The following CDC123 variants were observed in gnomAD, a reference collection of about 807,000 sequenced individuals.
CDC123 encodes the protein translation initiation factor eIF2 assembly protein.
Under a neutral mutation model 54.4 loss-of-function variants are expected in CDC123, and 37 were observed. The ratio of observed to expected loss-of-function variants is 0.68; its 90% confidence interval spans 0.52 to 0.89. The LOEUF (loss-of-function observed/expected upper bound fraction) is 0.89, where lower values mean the gene tolerates loss of function less well. Among genes scored for constraint, CDC123 ranks in the 40% least tolerant of loss-of-function variants. CDC123 has a pLI of 0.00. For synonymous variants in CDC123, 144 were observed against 136.8 expected, an observed-to-expected ratio of 1.05 and a Z score of -0.37; for missense variants, 361 against 412.1, an observed-to-expected ratio of 0.88 and a Z score of 1.07.
chr10:12,232,457 T>A (rs1835913943), intron 7 of CDC123, among the ~76,000 whole-genome samples: 1 of 152,190 alleles, frequency 6.6e-6, no homozygotes, highest in Non-Finnish European at 1.5e-5. Flanking sequence ...CATTGAGTAA[T>A]TTTTAATGTG....
At chr10:12,218,274 T>G (rs112975980) in intron 6 of CDC123, among the ~76,000 whole-genome samples, 6,263 of 134,326 alleles carry the variant, frequency 0.047, 481 homozygotes, top group African/African-American at 0.16. Flanking sequence ...TGAGGCAGGG[T>G]CTCACTCTGT....
intron 6 of CDC123, among the ~76,000 whole-genome samples, chr10:12,228,664 A>G (rs1450693341): frequency 4.6e-5 from 7 of 152,194 alleles, no homozygotes; most frequent in African/African-American, 1.4e-4. Flanking sequence ...TCTGCCTCCC[A>G]GGTTCAAGCG....
chr10:12,214,027 A>G (rs1388706487), intron 4 of CDC123, among the ~76,000 whole-genome samples: 1 of 152,236 alleles, frequency 6.6e-6, no homozygotes, highest in Non-Finnish European at 1.5e-5. Flanking sequence ...TAAACAGTAC[A>G]TAGTCTTCCA....
chr10:12,227,696 T>G (rs951451486), intron 6 of CDC123, among the ~76,000 whole-genome samples: 2 of 151,988 alleles, frequency 1.3e-5, no homozygotes, highest in Non-Finnish European at 2.9e-5. Context: ...TGGGGTTTCA[T>G]CATGTCGGCC....
chr10:12,205,155 A>G (rs1835501668), intron 2 of CDC123, among the ~76,000 whole-genome samples: 1 of 152,144 alleles, frequency 6.6e-6, no homozygotes, highest in Admixed American at 6.5e-5. Context: ...GATCCCACAG[A>G]TAAGTGAAAA....
At chr10:12,205,186 G>C (rs548817688) in intron 2 of CDC123, among the ~76,000 whole-genome samples, 1 of 152,138 alleles carries the variant, frequency 6.6e-6, no homozygotes, top group African/African-American at 2.4e-5. Context: ...GTCTTCCTGT[G>C]CCTGGCTTAC....
intron 6 of CDC123, among the ~76,000 whole-genome samples, chr10:12,219,446 T>G (rs1588674971): frequency 1.3e-5 from 2 of 152,272 alleles, no homozygotes; most frequent in East Asian, 3.9e-4. Flanking sequence ...CAAGTGATCC[T>G]TCTGTGCCTG....
intron 6 of CDC123, among the ~76,000 whole-genome samples, chr10:12,222,005 A>C (rs1269835082): frequency 1.3e-5 from 2 of 152,186 alleles, no homozygotes; most frequent in African/African-American, 2.4e-5. Flanking sequence ...CTGGTCCAGC[A>C]GGCCTGGAGG....
Position 12,250,513 on chromosome 10 carries a change from T to C in CDC123, c.*176T>C, listed in dbSNP as rs1237887088. 27 of 685,206 alleles carry C rather than the reference T, an allele frequency of 3.9e-5. No homozygotes were observed. The highest frequency in any genetic ancestry group is 6.8e-5 in the Non-Finnish European group (25 of 369,560). 42.4% of individuals were successfully genotyped at this position (685,206 alleles called of 1,614,324 possible). Reference sequence around the variant, plus strand: ...AAAAACGGAGGGACTTTGCTACTTGTAAAAATAACATAATAAATAGATCTT... The same window carrying C: ...AAAAACGGAGGGACTTTGCTACTTGCAAAAATAACATAATAAATAGATCTT... On this transcript the variant is annotated 3_prime_UTR_variant, in exon 13 of 13. Coordinates refer to ENST00000281141, the MANE Select transcript of CDC123 (RefSeq NM_006023.3).
At chr10:12,217,162 A>C (rs1309157826) in intron 5 of CDC123, among the ~76,000 whole-genome samples, 199 bp from the exon 6 acceptor site, 2 of 152,234 alleles carry the variant, frequency 1.3e-5, no homozygotes, top group Non-Finnish European at 2.9e-5. Flanking sequence ...CTCAGTGTTC[A>C]TAACCAAGTG....
At chr10:12,209,337 A>G (rs1332829399) in intron 2 of CDC123, among the ~76,000 whole-genome samples, 3 of 152,110 alleles carry the variant, frequency 2.0e-5, no homozygotes, top group Non-Finnish European at 4.4e-5. Context: ...CTTGGGCTCA[A>G]GGGATCCTTC....
chr10:12,243,139 C>T (rs1836082649), intron 10 of CDC123, among the ~76,000 whole-genome samples: 1 of 151,572 alleles, frequency 6.6e-6, no homozygotes, highest in African/African-American at 2.4e-5. Context: ...TGGCTCACGC[C>T]TGTAATCTCA....
intron 2 of CDC123, among the ~76,000 whole-genome samples, chr10:12,199,113 A>G (rs1835404800): frequency 6.6e-6 from 1 of 152,200 alleles, no homozygotes; most frequent in Non-Finnish European, 1.5e-5. Context: ...GACGATTAAA[A>G]ATTCACTGTT....
At chr10:12,229,826 G>A (rs1278676299) in intron 6 of CDC123, among the ~76,000 whole-genome samples, 1 of 152,214 alleles carries the variant, frequency 6.6e-6, no homozygotes, top group African/African-American at 2.4e-5. Flanking sequence ...GGGCTGAATG[G>A]ATCTATCTGA....
At chr10:12,244,483 GC>G (rs1442596146) in intron 10 of CDC123, among the ~76,000 whole-genome samples, 2 of 152,160 alleles carry the variant, frequency 1.3e-5, no homozygotes, top group East Asian at 3.8e-4. Context: ...GTCAGCACTG[GC>G]TGTTTTCTGC....
At chr10:12,211,834 C>T (rs141993949) in intron 4 of CDC123, among the ~76,000 whole-genome samples, 7 of 152,244 alleles carry the variant, frequency 4.6e-5, no homozygotes, top group Non-Finnish European at 8.8e-5. Flanking sequence ...ATGGGCCTGG[C>T]GCGGTGGCCG....
chr10:12,207,174 T>G (rs2131734456), intron 2 of CDC123, among the ~76,000 whole-genome samples: 1 of 152,282 alleles, frequency 6.6e-6, no homozygotes, highest in East Asian at 1.9e-4. Context: ...GTGTTTGATC[T>G]TTTGGCTTAA....
chr10:12,210,178 C>A (rs1308554355), intron 3 of CDC123, 112 bp from the exon 4 acceptor site: 1 of 1,460,990 alleles, frequency 6.8e-7, no homozygotes, highest in Non-Finnish European at 9.4e-7. Flanking sequence ...ATGCTGTATT[C>A]CGGAAAAGAT....
At chr10:12,233,857 T>C (rs1835939057) in intron 7 of CDC123, among the ~76,000 whole-genome samples, 3 of 152,028 alleles carry the variant, frequency 2.0e-5, no homozygotes, top group Admixed American at 2.0e-4. Flanking sequence ...GATGAGAAAC[T>C]TATTAGTATA....
Sources: gnomAD v4.1 joint callset for allele counts (sites outside exome capture counted in the v4.1 genomes callset) on GRCh38, gnomAD v4.1.1 for gene constraint, MANE v1.5 for transcripts, NCBI Gene and HGNC (gene_info 2026-07-23, HGNC 2026-07-21) for gene names.